Variants in IGDCC3 observed in about 807,000 individuals in gnomAD.
IGDCC3 encodes putative neuronal cell adhesion molecule.
In IGDCC3, 47 loss-of-function variants were observed where a neutral mutation model predicts 72.0. The observed-to-expected ratio is 0.65, with a 90% confidence interval of 0.52 to 0.83. The LOEUF (loss-of-function observed/expected upper bound fraction) is 0.83. Among genes scored for constraint, IGDCC3 ranks in the 40% least tolerant of loss-of-function variants. The pLI is 0.00. For missense variants in IGDCC3, 1,038 were observed against 1,091.3 expected (o/e 0.95, Z 0.69); for synonymous variants, 477 against 472.8 (o/e 1.01, Z -0.11).
At chr15:65,332,668 C>T (rs2090988135) in intron 6 of IGDCC3, among the ~76,000 whole-genome samples, 1 of 152,346 alleles carries the variant, frequency 6.6e-6, no homozygotes, top group South Asian at 2.1e-4. Context: ...CCACCCTTTC[C>T]CCCGGTCTCC....
At chr15:65,376,624 C>G (rs1321786512) in intron 1 of IGDCC3, among the ~76,000 whole-genome samples, 1 of 151,786 alleles carries the variant, frequency 6.6e-6, no homozygotes, top group East Asian at 1.9e-4. Flanking sequence ...TCCCCCCGTC[C>G]CCGGCCCAGG....
intron 2 of IGDCC3, among the ~76,000 whole-genome samples, chr15:65,364,009 G>A (rs561942690): frequency 3.2e-4 from 49 of 152,292 alleles, no homozygotes; most frequent in Admixed American, 1.6e-3. Flanking sequence ...CAGCAGCTGG[G>A]TCATGGAGTA....
chr15:65,330,166 C>T, intron 11 of IGDCC3, 127 bp downstream of exon 11: 1 of 755,234 alleles, frequency 1.3e-6, no homozygotes, highest in Non-Finnish European at 2.3e-6. Flanking sequence ...ACACAGCCAG[C>T]ATGTGCATGG....
At chr15:65,366,100 C>G (rs566090660) in intron 2 of IGDCC3, among the ~76,000 whole-genome samples, 1 of 150,146 alleles carries the variant, frequency 6.7e-6, no homozygotes, top group Admixed American at 6.7e-5. Context: ...CCCAGCTACT[C>G]GGGAGGCTGA....
At chr15:65,369,203 T>C (rs952962363) in intron 2 of IGDCC3, among the ~76,000 whole-genome samples, 9 of 151,806 alleles carry the variant, frequency 5.9e-5, no homozygotes, top group African/African-American at 1.9e-4. Flanking sequence ...CAGGCAGAAA[T>C]AGACTTGGAG....
intron 2 of IGDCC3, among the ~76,000 whole-genome samples, chr15:65,355,177 G>A (rs2091206346): frequency 6.6e-6 from 1 of 152,156 alleles, no homozygotes; most frequent in African/African-American, 2.4e-5. Context: ...GGGAAGCCCG[G>A]CCCCCGCGGG....
At chr15:65,355,216 C>A (rs1377333059) in intron 2 of IGDCC3, among the ~76,000 whole-genome samples, 2 of 152,112 alleles carry the variant, frequency 1.3e-5, no homozygotes, top group African/African-American at 4.8e-5. Context: ...AGCTGGCGGG[C>A]GGGGTCAGGC....
intron 2 of IGDCC3, chr15:65,355,737 G>A (rs1397530777): frequency 4.6e-6 from 2 of 438,094 alleles, no homozygotes; most frequent in Non-Finnish European, 9.0e-6. Flanking sequence ...CACCACCGCG[G>A]GTGAATGAGA....
intron 2 of IGDCC3, among the ~76,000 whole-genome samples, chr15:65,344,263 T>A (rs2091106994): frequency 6.6e-6 from 1 of 152,024 alleles, no homozygotes; most frequent in African/African-American, 2.4e-5. Context: ...GACTGACCCA[T>A]CTGGGACTTT....
At position 65,375,228 on chromosome 15, in the gene IGDCC3, T is replaced by C. The variant is rs747488365; in HGVS notation, c.278A>G (p.Asn93Ser). 1.7e-5 allele frequency: 28 copies of C among 1,614,214 alleles called. No homozygotes were observed. Among genetic ancestry groups the C allele is most frequent in the East Asian group, 6.7e-5 (3 of 44,880 alleles). Reference sequence around the variant, plus strand: ...GAAGTGACGGATCATCAAGGACCCATTGGCCAGCAAGGTGGAGTGGGTACT... The same window carrying C: ...GAAGTGACGGATCATCAAGGACCCACTGGCCAGCAAGGTGGAGTGGGTACT... ...PESTHSTLLA[N>S]GSLMIRHFRL... The change falls in exon 2 of 14, where the codon AAT becomes AGT. Residue 93 changes from asparagine (N) to serine (S), a missense_variant. By Grantham distance (46) the Asn-to-Ser change is conservative. Coordinates refer to ENST00000327987, the MANE Select transcript of IGDCC3 (RefSeq NM_004884.4).
intron 4 of IGDCC3, 121 bp downstream of exon 4, chr15:65,335,170 G>T: frequency 8.9e-7 from 1 of 1,117,554 alleles, no homozygotes; most frequent in Non-Finnish European, 1.3e-6. Flanking sequence ...ACAGAGCCCG[G>T]CACTCTGCAC....
chr15:65,332,895 C>T (rs984631078), intron 6 of IGDCC3, among the ~76,000 whole-genome samples: 10 of 152,172 alleles, frequency 6.6e-5, no homozygotes, highest in African/African-American at 1.9e-4. Flanking sequence ...CAGGTGTGAG[C>T]GTGGAGATGC....
intron 2 of IGDCC3, among the ~76,000 whole-genome samples, chr15:65,338,075 C>T (rs2091046407): frequency 1.3e-5 from 2 of 152,222 alleles, no homozygotes; most frequent in African/African-American, 4.8e-5. Flanking sequence ...CTCCCTCCTC[C>T]TCCCCTCAGC....
chr15:65,347,423 C>T (rs2140152470), intron 2 of IGDCC3, among the ~76,000 whole-genome samples: 1 of 152,224 alleles, frequency 6.6e-6, no homozygotes, highest in South Asian at 2.1e-4. Flanking sequence ...CTCTAAGGTC[C>T]ATACTAACAT....
At chr15:65,355,994 G>A (rs2091217547) in intron 2 of IGDCC3, 1 of 274,302 alleles carries the variant, frequency 3.6e-6, no homozygotes, top group Non-Finnish European at 7.5e-6. Flanking sequence ...GGGCGGACAC[G>A]CGCGGCCCCC....
chr15:65,333,025 A>G (rs1407602330), intron 6 of IGDCC3, among the ~76,000 whole-genome samples: 2 of 150,380 alleles, frequency 1.3e-5, no homozygotes, highest in Non-Finnish European at 3.0e-5. Flanking sequence ...ACGGACCCGG[A>G]GGGCACGCAG....
Position 65,335,366 on chromosome 15 carries a change from C to T in IGDCC3, c.610G>A (p.Gly204Ser), listed in dbSNP as rs757764030. The T allele has an allele frequency of 8.7e-6, 14 of 1,613,716 alleles. No homozygotes were observed. In the East Asian group the frequency reaches 1.6e-4, roughly 18 times the overall value. Residue 204 changes from glycine to serine, a missense_variant, in exon 4 of 14, where the codon GGT (glycine) becomes AGT (serine). Coordinates refer to ENST00000327987, the MANE Select transcript of IGDCC3 (RefSeq NM_004884.4). ...LQITGLRAED[G>S]GIFHCVASNI... ...GAGGCCACACAGTGGAAGATGCCAC[C>T]GTCCTCAGCTCGAAGTCCTGTGATC...
At chr15:65,342,867 G>T (rs1223329654) in intron 2 of IGDCC3, among the ~76,000 whole-genome samples, 1 of 151,352 alleles carries the variant, frequency 6.6e-6, no homozygotes, top group Admixed American at 6.6e-5. Context: ...GTTTTTTTTT[G>T]TTTGTTTTTG....
chr15:65,363,812 G>A (rs959581652), intron 2 of IGDCC3, among the ~76,000 whole-genome samples: 23 of 152,186 alleles, frequency 1.5e-4, no homozygotes, highest in African/African-American at 5.5e-4. Context: ...GGGAAAGGGA[G>A]CAAAGAGGAG....
Sources: gnomAD v4.1 joint callset for allele counts (sites outside exome capture counted in the v4.1 genomes callset) on GRCh38, gnomAD v4.1.1 for gene constraint, MANE v1.5 for transcripts, NCBI Gene and HGNC (gene_info 2026-07-23, HGNC 2026-07-21) for gene names.